XKR9: variants seen among roughly 807,000 people sequenced by gnomAD.
XKR9 encodes the protein XK-related protein 9.
In XKR9, 32 loss-of-function variants were observed where a neutral mutation model predicts 32.0. The observed-to-expected ratio is 1.00, with a 90% confidence interval of 0.76 to 1.34. The LOEUF (loss-of-function observed/expected upper bound fraction) is 1.34. XKR9 is among the 40% of genes most tolerant of loss of function. The pLI is 0.00. For missense variants in XKR9, 546 were observed against 429.7 expected (o/e 1.27, Z -2.39); for synonymous variants, 168 against 143.4 (o/e 1.17, Z -1.22).
the XKR9 span, among the ~76,000 whole-genome samples, chr8:70,817,091 T>G: frequency 2.0e-5 from 3 of 152,072 alleles, no homozygotes; most frequent in Non-Finnish European, 2.9e-5. Flanking sequence ...TTATCTTTGA[T>G]AAATGAATTT....
the XKR9 span, among the ~76,000 whole-genome samples, chr8:70,981,910 C>T: frequency 6.6e-6 from 1 of 152,194 alleles, no homozygotes; most frequent in South Asian, 2.1e-4. Flanking sequence ...TGCTTTTGGT[C>T]TTCTGGGTCT....
intron 3 of XKR9, among the ~76,000 whole-genome samples, chr8:70,701,846 T>G (rs1027476719): frequency 6.6e-6 from 1 of 152,192 alleles, no homozygotes; most frequent in Non-Finnish European, 1.5e-5. Context: ...TTCCAGAATA[T>G]AAATTAAATG....
At chr8:70,704,991 C>A (rs1805669896) in intron 3 of XKR9, among the ~76,000 whole-genome samples, 1 of 152,096 alleles carries the variant, frequency 6.6e-6, no homozygotes, top group African/African-American at 2.4e-5. Context: ...TGGGTAGAGA[C>A]CATGCCTTCA....
At chr8:70,815,508 A>G in the XKR9 span, among the ~76,000 whole-genome samples, 1 of 66,862 alleles carries the variant, frequency 1.5e-5, no homozygotes, top group South Asian at 3.5e-4. Flanking sequence ...TCATTCCTTT[A>G]TTTTATTTAT....
At chr8:70,876,913 T>C in the XKR9 span, among the ~76,000 whole-genome samples, 3 of 152,188 alleles carry the variant, frequency 2.0e-5, no homozygotes, top group Non-Finnish European at 4.4e-5. Context: ...AATAATGTCG[T>C]ACTGTTTTGT....
chr8:70,678,590 C>T (rs1214780211), intron 2 of XKR9, among the ~76,000 whole-genome samples: 2 of 152,116 alleles, frequency 1.3e-5, no homozygotes, highest in African/African-American at 2.4e-5. Context: ...TCCTAAACCC[C>T]ATGTGTATGT....
At chr8:70,946,201 C>T in the XKR9 span, among the ~76,000 whole-genome samples, 2 of 152,068 alleles carry the variant, frequency 1.3e-5, no homozygotes, top group African/African-American at 4.8e-5. Flanking sequence ...CTAAGAGATC[C>T]TCTAACTCTA....
At chr8:70,961,431 C>T in the XKR9 span, among the ~76,000 whole-genome samples, 1 of 152,124 alleles carries the variant, frequency 6.6e-6, no homozygotes, top group Non-Finnish European at 1.5e-5. Context: ...CCATGAATGC[C>T]AGGCAACAGT....
At chr8:70,812,474 T>C in the XKR9 span, among the ~76,000 whole-genome samples, 3 of 152,154 alleles carry the variant, frequency 2.0e-5, no homozygotes, top group African/African-American at 7.2e-5. Flanking sequence ...ATAAAGGATA[T>C]TCAATGAGGA....
At chr8:70,779,218 G>GT (rs965565009) in intron 2 of XKR9, among the ~76,000 whole-genome samples, 20 of 152,072 alleles carry the variant, frequency 1.3e-4, no homozygotes, top group Non-Finnish European at 2.2e-4. Context: ...TAATCACGTG[G>GT]TTTTTTGTCG....
At chr8:70,800,691 G>A in the XKR9 span, among the ~76,000 whole-genome samples, 7 of 152,030 alleles carry the variant, frequency 4.6e-5, no homozygotes, top group Non-Finnish European at 1.0e-4. Context: ...TCACCATGTT[G>A]GCCAGGCTTG....
At chr8:70,755,964 T>A (rs1225237627) in intron 2 of XKR9, among the ~76,000 whole-genome samples, 1 of 152,148 alleles carries the variant, frequency 6.6e-6, no homozygotes, top group South Asian at 2.1e-4. Flanking sequence ...TCATAAAGAT[T>A]TGCTCCTATG....
At chr8:70,808,542 C>T in the XKR9 span, among the ~76,000 whole-genome samples, 20 of 152,158 alleles carry the variant, frequency 1.3e-4, no homozygotes, top group Non-Finnish European at 2.5e-4. Flanking sequence ...AATTCCCTTT[C>T]CTAGCCAAGG....
At chr8:71,032,525 A>C in the XKR9 span, among the ~76,000 whole-genome samples, 10,308 of 152,112 alleles carry the variant, frequency 0.068, 474 homozygotes, top group Non-Finnish European at 0.093. Flanking sequence ...GATTTGGGAG[A>C]GCTCAGACAT....
At chr8:70,985,685 C>T in the XKR9 span, among the ~76,000 whole-genome samples, 2 of 152,072 alleles carry the variant, frequency 1.3e-5, no homozygotes, top group Non-Finnish European at 2.9e-5. Context: ...TTTCACCCTC[C>T]TACCCTCAAT....
chr8:70,839,392 C>G, the XKR9 span, among the ~76,000 whole-genome samples: 1 of 152,224 alleles, frequency 6.6e-6, no homozygotes, highest in South Asian at 2.1e-4. Context: ...AATACATTCT[C>G]CAAGGGATTA....
chr8:70,720,442 A>T (rs546319704), intron 4 of XKR9, among the ~76,000 whole-genome samples: 16 of 152,310 alleles, frequency 1.1e-4, no homozygotes, highest in South Asian at 8.3e-4. Context: ...GATATGCCAT[A>T]AATAGCTCTT....
the XKR9 span, among the ~76,000 whole-genome samples, chr8:70,895,575 A>G: frequency 6.6e-6 from 1 of 152,300 alleles, no homozygotes; most frequent in Non-Finnish European, 1.5e-5. Context: ...ATATGCTGAA[A>G]AAGATATCCT....
the XKR9 span, among the ~76,000 whole-genome samples, chr8:70,858,438 T>G: frequency 6.6e-6 from 1 of 151,916 alleles, no homozygotes; most frequent in Non-Finnish European, 1.5e-5. Context: ...CAAGGAGAAC[T>G]GCAAACCACC....
Sources: gnomAD v4.1 joint callset for allele counts (sites outside exome capture counted in the v4.1 genomes callset) on GRCh38, gnomAD v4.1.1 for gene constraint, MANE v1.5 for transcripts, NCBI Gene and HGNC (gene_info 2026-07-23, HGNC 2026-07-21) for gene names.